Variants in MBOAT1 observed in about 807,000 individuals in gnomAD.
MBOAT1 encodes membrane-bound glycerophospholipid O-acyltransferase 1.
MBOAT1 carries 67 observed loss-of-function variants against 64.4 expected under a neutral mutation model. The ratio of observed to expected loss-of-function variants is 1.04; its 90% confidence interval spans 0.85 to 1.27. The LOEUF is 1.27. MBOAT1 is among the 50% of genes most tolerant of loss of function. The pLI is 0.00. For synonymous variants in MBOAT1, 229 were observed against 218.9 expected (o/e 1.05, Z -0.41); for missense variants, 563 against 604.6 (o/e 0.93, Z 0.72).
chr6:20,128,935 C>T (rs975652768), intron 5 of MBOAT1, among the ~76,000 whole-genome samples, 182 bp from the exon 6 acceptor site: 19 of 151,872 alleles, frequency 1.3e-4, no homozygotes, highest in East Asian at 5.8e-4. Flanking sequence ...CATAAGTACA[C>T]GTGTGAGAAG....
intron 5 of MBOAT1, among the ~76,000 whole-genome samples, chr6:20,129,694 TA>T (rs1480281202): frequency 6.6e-6 from 1 of 152,224 alleles, no homozygotes; most frequent in Non-Finnish European, 1.5e-5. Context: ...GCAGTGTTTT[TA>T]AAAACTCATT....
intron 5 of MBOAT1, among the ~76,000 whole-genome samples, chr6:20,130,438 C>T (rs1001563362): frequency 6.6e-6 from 1 of 152,154 alleles, no homozygotes; most frequent in African/African-American, 2.4e-5. Flanking sequence ...ACTGCAACCT[C>T]TGCCTCCCGG....
chr6:20,205,541 T>C (rs1310633378), intron 1 of MBOAT1, among the ~76,000 whole-genome samples: 1 of 152,150 alleles, frequency 6.6e-6, no homozygotes, highest in Non-Finnish European at 1.5e-5. Context: ...GCCACTAGAC[T>C]GTGACACCAG....
chr6:20,173,243 T>C (rs1762252569), intron 1 of MBOAT1, among the ~76,000 whole-genome samples: 1 of 152,174 alleles, frequency 6.6e-6, no homozygotes, highest in Non-Finnish European at 1.5e-5. Context: ...AGTGTGAGAA[T>C]GGACTAATAC....
rs1244703112 is a variant in MBOAT1, at chr6:20,168,599, G to GAGAAGAGAAGAGAAGAGAAGAGA, written c.100-15831_100-15830insTCTCTTCTCTTCTCTTCTCTTCT. The stretch of plus-strand genomic sequence containing the variant: ...AGAGAAAGAGAGAGAGGGAGAGAAA[G>GAGAAGAGAAGAGAAGAGAAGAGA]AGAGAAGAGAAGAGAAGAGAAGAGA... On this transcript the variant is annotated intron_variant, in intron 1 of 12. Transcript: ENST00000324607. Among the ~76,000 whole-genome samples the GAGAAGAGAAGAGAAGAGAAGAGA allele has an allele frequency of 4.3e-4, 36 of 84,606 alleles. 1 individual carries two copies. Among genetic ancestry groups the GAGAAGAGAAGAGAAGAGAAGAGA allele is most frequent in the Admixed American group, 6.3e-4 (5 of 7,942 alleles). The allele number at this position is 84,606 out of a possible 152,430, so 55.5% of individuals were successfully genotyped here. A position where few individuals can be genotyped will look rare whatever the true frequency, so the allele number is the denominator to read the frequency against.
intron 5 of MBOAT1, among the ~76,000 whole-genome samples, chr6:20,130,075 A>G (rs1387607988): frequency 6.6e-6 from 1 of 152,240 alleles, no homozygotes; most frequent in Non-Finnish European, 1.5e-5. Context: ...ACTAGCTGTC[A>G]GAGATAAATT....
intron 8 of MBOAT1, among the ~76,000 whole-genome samples, chr6:20,123,258 G>A (rs73382592): frequency 0.022 from 3,426 of 152,270 alleles, 146 homozygotes; most frequent in African/African-American, 0.076. Context: ...TCCCTCATTC[G>A]TGAGATGTGG....
intron 7 of MBOAT1, among the ~76,000 whole-genome samples, chr6:20,126,144 G>A (rs771943011): frequency 4.0e-4 from 61 of 152,090 alleles, no homozygotes; most frequent in Middle Eastern, 3.2e-3. Flanking sequence ...TTCCAGTTCC[G>A]TGGTCCCCCT....
chr6:20,169,607 T>TA (rs5874753), intron 1 of MBOAT1, among the ~76,000 whole-genome samples: 43,100 of 146,204 alleles, frequency 0.29, 6,129 homozygotes, highest in African/African-American at 0.33. Context: ...AATTCTCCGT[T>TA]AAAAAAAAAA....
chr6:20,121,785 G>A (rs1477132052), intron 8 of MBOAT1, among the ~76,000 whole-genome samples: 1 of 151,128 alleles, frequency 6.6e-6, no homozygotes, highest in Admixed American at 6.6e-5. Context: ...ATAGTAGGAG[G>A]GAATTAGATA....
At chr6:20,163,835 T>C (rs1761933924) in intron 1 of MBOAT1, among the ~76,000 whole-genome samples, 1 of 151,968 alleles carries the variant, frequency 6.6e-6, no homozygotes, top group East Asian at 1.9e-4. Flanking sequence ...AAGGGGCCCA[T>C]CTAAAAATAA....
intron 1 of MBOAT1, among the ~76,000 whole-genome samples, chr6:20,154,496 G>A (rs551317965): frequency 2.6e-5 from 4 of 152,136 alleles, no homozygotes; most frequent in African/African-American, 9.6e-5. Context: ...TCGCACCACT[G>A]CACTCCAGCC....
chr6:20,126,348 C>T (rs1314242441), intron 7 of MBOAT1, among the ~76,000 whole-genome samples, 169 bp downstream of exon 7: 1 of 152,172 alleles, frequency 6.6e-6, no homozygotes, highest in Non-Finnish European at 1.5e-5. Context: ...ACACCCATTG[C>T]TGCAAAATAG....
At chr6:20,147,245 A>G (rs73384426) in intron 3 of MBOAT1, among the ~76,000 whole-genome samples, 2,596 of 152,344 alleles carry the variant, frequency 0.017, 54 homozygotes, top group African/African-American at 0.05. Context: ...ACAGACAAAT[A>G]CACAGACCAG....
chr6:20,151,085 G>A (rs139470777), intron 3 of MBOAT1, 100 bp downstream of exon 3: 2 of 833,842 alleles, frequency 2.4e-6, no homozygotes, highest in African/African-American at 3.4e-5. Context: ...TATACCACTT[G>A]TGGAAAATGG....
intron 1 of MBOAT1, among the ~76,000 whole-genome samples, chr6:20,209,575 A>T (rs1763360520): frequency 6.6e-6 from 1 of 152,250 alleles, no homozygotes; most frequent in Admixed American, 6.5e-5. Context: ...GAGTGCAATT[A>T]ATCAGGAATT....
chr6:20,126,712 A>C lies in MBOAT1; in HGVS notation c.531-12T>G, dbSNP rs1182302681. 8 of 1,581,926 alleles carry C rather than the reference A, an allele frequency of 5.1e-6. No homozygotes were observed. Among genetic ancestry groups the C allele is most frequent in the Admixed American group, 1.9e-5 (1 of 53,338 alleles). Reference sequence around the variant, plus strand: ...AAGAGGGTTTCACTCTGTGAAAATAAAGTAAATAAATTGAAAAGTCTTCAG... The same window carrying C: ...AAGAGGGTTTCACTCTGTGAAAATACAGTAAATAAATTGAAAAGTCTTCAG... On this transcript the variant is annotated splice_polypyrimidine_tract_variant and intron_variant, in intron 6 of 12. Transcript: ENST00000324607.
chr6:20,170,253 C>A (rs1762152595), intron 1 of MBOAT1, among the ~76,000 whole-genome samples: 1 of 152,224 alleles, frequency 6.6e-6, no homozygotes, highest in Non-Finnish European at 1.5e-5. Flanking sequence ...AAATCTTGAT[C>A]TCCAGCCCAG....
At chr6:20,204,042 A>G (rs1763191796) in intron 1 of MBOAT1, among the ~76,000 whole-genome samples, 1 of 152,166 alleles carries the variant, frequency 6.6e-6, no homozygotes, top group Admixed American at 6.5e-5. Flanking sequence ...ATAAAAGACA[A>G]TTCCATCTTT....
Sources: gnomAD v4.1 joint callset for allele counts (sites outside exome capture counted in the v4.1 genomes callset) on GRCh38, gnomAD v4.1.1 for gene constraint, MANE v1.5 for transcripts, NCBI Gene and HGNC (gene_info 2026-07-23, HGNC 2026-07-21) for gene names.